PARP15: variants seen among roughly 807,000 people sequenced by gnomAD.
PARP15 encodes protein mono-ADP-ribosyltransferase PARP15.
A neutral mutation model predicts 62.1 loss-of-function variants in PARP15; 50 were observed. The observed-to-expected ratio is 0.81, with a 90% CI of 0.64 to 1.02. The LOEUF is 1.02. PARP15 is among the 50% of genes least tolerant of loss of function. PARP15 has a pLI of 0.00. For missense variants in PARP15, 820 were observed against 826.5 expected (o/e 0.99, Z 0.10); for synonymous variants, 309 against 293.1 (o/e 1.05, Z -0.55).
intron 1 of PARP15, among the ~76,000 whole-genome samples, chr3:122,599,501 C>T (rs1197796862): frequency 6.6e-6 from 1 of 150,378 alleles, no homozygotes; most frequent in Non-Finnish European, 1.5e-5. Flanking sequence ...TCTTGCCTTT[C>T]TTCCTCGAAT....
At chr3:122,610,796 A>G (rs1277133220) in intron 3 of PARP15, 66 bp downstream of exon 3, 3 of 1,382,232 alleles carry the variant, frequency 2.2e-6, no homozygotes, top group East Asian at 5.1e-5. Context: ...GGTGTGGTAT[A>G]GATCTGTGCT....
intron 1 of PARP15, among the ~76,000 whole-genome samples, chr3:122,587,600 C>T (rs939553513): frequency 6.6e-6 from 1 of 152,210 alleles, no homozygotes; most frequent in East Asian, 1.9e-4. Flanking sequence ...GGCACAATCA[C>T]TTACTGCAGC....
At chr3:122,587,011 C>T (rs114950554) in intron 1 of PARP15, among the ~76,000 whole-genome samples, 2,044 of 152,288 alleles carry the variant, frequency 0.013, 42 homozygotes, top group African/African-American at 0.046. Flanking sequence ...TTTGCCTTTT[C>T]CAGAATGTCA....
rs1027808652 is a variant in PARP15 at position 122,578,186 on chromosome 3, C to T, written c.186+333C>T. Among the ~76,000 whole-genome samples the T allele has an allele frequency of 3.2e-4, 49 of 151,412 alleles. 2 individuals are homozygous for T. The highest frequency in any genetic ancestry group is 3.2e-3 in the Admixed American group (49 of 15,174). ...GTTTTTTGAGTTTGCTTATGGGGGG[C>T]TTTTGTTTCTCTTTGCCATGCAAAT... On this transcript the variant is annotated intron_variant, in intron 1 of 11. Coordinates refer to ENST00000464300, the MANE Select transcript of PARP15 (RefSeq NM_001113523.3).
chr3:122,626,689 C>A, intron 8 of PARP15, 138 bp from the exon 9 acceptor site: 1 of 704,028 alleles, frequency 1.4e-6, no homozygotes. Flanking sequence ...TAAAGAACAC[C>A]AACTAGCTGT....
intron 2 of PARP15, among the ~76,000 whole-genome samples, chr3:122,608,256 G>A (rs1179675417): frequency 1.6e-5 from 2 of 127,324 alleles, no homozygotes; most frequent in Admixed American, 9.7e-5. Flanking sequence ...TTGCTCTGTC[G>A]CCCAGGCTGG....
Position 122,638,848 on chromosome 3 carries a change from T to C in PARP15, c.*2748T>C, listed in dbSNP as rs1415453886. On this transcript the variant is annotated 3_prime_UTR_variant, in exon 12 of 12. Transcript: ENST00000464300. ...CCATTTTTCATTAAACATTACAAGT[T>C]GTTCTCTTGTGTTCTTATTTTTTCT... 4 of 152,186 alleles carry C rather than the reference T, an allele frequency of 2.6e-5. No homozygotes were observed. Among genetic ancestry groups the C allele is most frequent in the Admixed American group, 2.6e-4 (4 of 15,274 alleles). The allele number at this position is 152,186 out of a possible 1,614,324, so 9.4% of individuals were successfully genotyped here. A position where few individuals can be genotyped will look rare whatever the true frequency, so the allele number is the denominator to read the frequency against.
At chr3:122,600,977 T>C (rs1338872075) in intron 1 of PARP15, among the ~76,000 whole-genome samples, 2 of 151,558 alleles carry the variant, frequency 1.3e-5, no homozygotes, top group African/African-American at 2.4e-5. Context: ...CTAATGTCCA[T>C]AGTTTAGAGT....
Position 122,606,062 on chromosome 3 carries a change from G to A in PARP15, c.306+7G>A. 1 of 1,550,984 alleles carries A rather than the reference G, an allele frequency of 6.4e-7. No individual in the cohort carries two copies. The highest frequency in any genetic ancestry group is 8.7e-7 in the Non-Finnish European group (1 of 1,146,408). On this transcript the variant is annotated splice_region_variant and intron_variant, in intron 2 of 11. Coordinates refer to ENST00000464300, the MANE Select transcript of PARP15 (RefSeq NM_001113523.3). The stretch of plus-strand genomic sequence containing the variant: ...AGATGTTCTGTACATCTGGGTAGGT[G>A]ATGCCATTTAATAAATCTACCAAGG...
chr3:122,638,489 A>AT lies in PARP15; in HGVS notation c.*2391dup, dbSNP rs1474265076. The AT allele has an allele frequency of 2.0e-5, 3 of 152,282 alleles. No homozygotes were observed. The highest frequency in any genetic ancestry group is 6.8e-3 in the Middle Eastern group (2 of 294). 9.4% of individuals were successfully genotyped at this position (152,282 alleles called of 1,614,324 possible). The stretch of plus-strand genomic sequence containing the variant: ...GCTTCCTAACTTTTTAATGATTGCC[A>AT]TTCTAACGGGTGTGGGATGGTATCT... On this transcript the variant is annotated 3_prime_UTR_variant, in exon 12 of 12. Coordinates refer to ENST00000464300, the MANE Select transcript of PARP15 (RefSeq NM_001113523.3).
intron 4 of PARP15, chr3:122,615,558 A>G: frequency 4.2e-6 from 5 of 1,187,000 alleles, no homozygotes; most frequent in Non-Finnish European, 4.6e-6. Flanking sequence ...ACTTGCCTGG[A>G]CAGTGTTAGT....
In PARP15 at chr3:122,583,706, C is replaced by T. The variant is rs141584338; in HGVS notation, c.186+5853C>T. Among the ~76,000 whole-genome samples, 1,431 of 152,198 alleles carry T rather than the reference C, an allele frequency of 9.4e-3. 12 individuals are homozygous for T. Among genetic ancestry groups the T allele is most frequent in the Admixed American group, 0.016 (239 of 15,288 alleles). On this transcript the variant is annotated intron_variant, in intron 1 of 11. Coordinates refer to ENST00000464300, the MANE Select transcript of PARP15 (RefSeq NM_001113523.3). ...ATCTTTAATCTATAATTAATTTTTC[C>T]ACCATGGAGGCAAAACCCTTCTGAA...
chr3:122,596,152 A>G (rs1934324349), intron 1 of PARP15, among the ~76,000 whole-genome samples: 1 of 151,824 alleles, frequency 6.6e-6, no homozygotes, highest in Non-Finnish European at 1.5e-5. Context: ...AGATCAGGAG[A>G]TCAAGACCAT....
chr3:122,589,141 C>G (rs1245780864), intron 1 of PARP15, among the ~76,000 whole-genome samples: 7 of 152,166 alleles, frequency 4.6e-5, no homozygotes, highest in Non-Finnish European at 1.0e-4. Context: ...GGTTTGCGAT[C>G]AGGGTCCCAG....
chr3:122,618,236 T>C (rs1047443506), intron 6 of PARP15, among the ~76,000 whole-genome samples: 8 of 152,226 alleles, frequency 5.3e-5, no homozygotes, highest in African/African-American at 1.9e-4. Context: ...ATTTGGTTAT[T>C]TGAAACATGC....
chr3:122,598,657 C>T (rs553073560), intron 1 of PARP15, among the ~76,000 whole-genome samples: 2 of 152,244 alleles, frequency 1.3e-5, no homozygotes, highest in African/African-American at 4.8e-5. Flanking sequence ...TCAATTCTGC[C>T]ATATTTTGTT....
At chr3:122,631,953 CA>C (rs982808269) in intron 9 of PARP15, 132 bp from the exon 10 acceptor site, 1 of 915,112 alleles carries the variant, frequency 1.1e-6, no homozygotes, top group African/African-American at 1.7e-5. Context: ...ATAGAAGAAG[CA>C]ATTGTGAAAT....
rs1935486284 is a variant in PARP15, at chr3:122,610,528, T to G, written c.341T>G (p.Leu114Arg). ...DVIVNSVPMN[L>R]QLGGGPLSRA... The stretch of plus-strand genomic sequence containing the variant: ...ATTGTCAACAGCGTTCCCATGAATC[T>G]TCAGCTTGGAGGAGGACCACTATCT... The change falls in exon 3 of 12, where the codon CTT becomes CGT. Residue 114 changes from leucine to arginine, a missense_variant. Physicochemically the swap from Leu to Arg is moderately radical, Grantham distance 102. Transcript: ENST00000464300. The G allele has an allele frequency of 6.4e-7, 1 of 1,551,612 alleles. No individual in the cohort carries two copies. Among genetic ancestry groups the G allele is most frequent in the Admixed American group, 2.0e-5 (1 of 50,978 alleles).
At chr3:122,599,081 G>T (rs932142742) in intron 1 of PARP15, among the ~76,000 whole-genome samples, 3 of 152,112 alleles carry the variant, frequency 2.0e-5, no homozygotes, top group Admixed American at 6.5e-5. Flanking sequence ...ATTTTTAGTA[G>T]AGACAGGGTT....
Sources: allele counts gnomAD v4.1 joint callset (sites outside exome capture counted in the v4.1 genomes callset), GRCh38; gene constraint gnomAD v4.1.1; transcripts MANE v1.5; gene names NCBI Gene and HGNC (gene_info 2026-07-23, HGNC 2026-07-21).